Variants in ITPR1 observed in about 807,000 individuals in gnomAD.
ITPR1 encodes the protein inositol 1,4,5-trisphosphate-gated calcium channel ITPR1.
ITPR1 carries 96 observed loss-of-function variants against 318.4 expected under a neutral mutation model. The ratio of observed to expected loss-of-function variants is 0.30; its 90% CI spans 0.26 to 0.36. The LOEUF is 0.36. Ranked by LOEUF, ITPR1 falls within the 10% of genes least tolerant of loss-of-function variation. The pLI is 1.00. For missense variants in ITPR1, 2,440 were observed against 3,460.2 expected (o/e 0.71, Z 7.40); for synonymous variants, 1,312 against 1,289.9 (o/e 1.02, Z -0.37).
intron 55 of ITPR1, 32 bp from the exon 56 acceptor site, chr3:4,811,233 C>T (rs367932666): frequency 6.8e-7 from 1 of 1,461,388 alleles, no homozygotes; most frequent in African/African-American, 1.4e-5. Flanking sequence ...AACATCAAGG[C>T]TTCTTAAAAT....
At position 4,733,099 on chromosome 3, in the gene ITPR1, C is replaced by T. The variant is rs776742998; in HGVS notation, c.5232C>T (p.Leu1744=). ...CTGTTTGAATTAAGGGTGAGGCGCT[C>T]AGGCAAGTTCTGGTCAACCGTTACT... ...QLEDHKRGEA[L]RQVLVNRYYG... The change falls in exon 43 of 62, where the codon CTC becomes CTT. Residue 1744 remains leucine, a synonymous_variant. Coordinates refer to ENST00000649015, the MANE Select transcript of ITPR1 (RefSeq NM_001378452.1). 1.9e-6 allele frequency: 3 copies of T among 1,613,216 alleles called. No individual in the cohort carries two copies. The highest frequency in any genetic ancestry group is 2.2e-5 in the South Asian group (2 of 90,890).
At chr3:4,498,384 C>T (rs2080764769) in intron 2 of ITPR1, among the ~76,000 whole-genome samples, 1 of 152,064 alleles carries the variant, frequency 6.6e-6, no homozygotes, top group East Asian at 1.9e-4. Context: ...AGTACAGAGG[C>T]CCTGAGATAG....
intron 14 of ITPR1, 27 bp from the exon 15 acceptor site, chr3:4,662,055 T>C (rs770732456): frequency 1.2e-6 from 2 of 1,602,360 alleles, no homozygotes; most frequent in Non-Finnish European, 1.7e-6. Flanking sequence ...CAAGAGATTA[T>C]CTCACAAGGA....
chr3:4,662,967 G>T, intron 15 of ITPR1, 98 bp from the exon 16 acceptor site: 1 of 1,077,200 alleles, frequency 9.3e-7, no homozygotes. Context: ...GTCTGCCCCT[G>T]TTTAACTGGC....
At chr3:4,586,286 C>G (rs1210735358) in intron 4 of ITPR1, among the ~76,000 whole-genome samples, 2 of 152,120 alleles carry the variant, frequency 1.3e-5, no homozygotes, top group Admixed American at 6.5e-5. Flanking sequence ...GAAAGCTTTA[C>G]CCGTTTCTAC....
chr3:4,573,024 C>T (rs982224011), intron 4 of ITPR1, among the ~76,000 whole-genome samples: 16 of 152,110 alleles, frequency 1.1e-4, no homozygotes, highest in Admixed American at 7.9e-4. Flanking sequence ...TACCTTTTGA[C>T]GATTGGGATT....
chr3:4,586,588 C>A (rs967117892), intron 4 of ITPR1, among the ~76,000 whole-genome samples: 2 of 149,856 alleles, frequency 1.3e-5, no homozygotes, highest in East Asian at 2.0e-4. Flanking sequence ...TGGCTCCCTG[C>A]AGCTTTGACC....
At chr3:4,717,435 A>C (rs781666122) in intron 40 of ITPR1, 36 bp downstream of exon 40, 7 of 1,541,108 alleles carry the variant, frequency 4.5e-6, no homozygotes, top group Non-Finnish European at 6.2e-6. Flanking sequence ...TTCATGTCTC[A>C]TGGTGGTGTT....
intron 59 of ITPR1, among the ~76,000 whole-genome samples, chr3:4,816,460 A>T (rs542881195): frequency 1.3e-5 from 2 of 152,282 alleles, no homozygotes; most frequent in East Asian, 3.9e-4. Flanking sequence ...ATCTCGGCTC[A>T]CTGTAACCTC....
chr3:4,779,713 G>T lies in ITPR1; in HGVS notation c.6387+68G>T. On this transcript the variant is annotated intron_variant, in intron 49 of 61. Transcript: ENST00000649015. This position sits in a 1 kb window ranked among gnomAD's most constrained non-coding sequence, Gnocchi z 4.0. Reference sequence around the variant, plus strand: ...GCGACGATATTTGGGACAGAGCAGAGGATCTGCTTCCTGGAGCTTTCTTGA... The same window carrying T: ...GCGACGATATTTGGGACAGAGCAGATGATCTGCTTCCTGGAGCTTTCTTGA... The T allele has an allele frequency of 1.3e-5, 14 of 1,090,498 alleles. No homozygotes were observed. The highest frequency in any genetic ancestry group is 1.5e-5 in the Non-Finnish European group (11 of 717,022). 67.6% of individuals were successfully genotyped at this position (1,090,498 alleles called of 1,614,324 possible).
At chr3:4,773,555 A>G (rs974425472) in intron 46 of ITPR1, among the ~76,000 whole-genome samples, 1 of 152,150 alleles carries the variant, frequency 6.6e-6, no homozygotes, top group African/African-American at 2.4e-5. Flanking sequence ...GCCTTTTTAA[A>G]TTCACTGGGA....
chr3:4,673,145 G>T lies in ITPR1; in HGVS notation c.2214G>T (p.Leu738=). Residue 738 remains leucine (L), a synonymous_variant, in exon 21 of 62, where the codon CTG becomes CTT. Coordinates refer to ENST00000649015, the MANE Select transcript of ITPR1 (RefSeq NM_001378452.1). ...RDVLSYYRYQ[L]NLFARMCLDR... ...TTGTTCCTTCCTCTAGATATCAGCT[G>T]AACCTCTTTGCGAGGATGTGTCTGG... The T allele has an allele frequency of 5.6e-6, 9 of 1,613,476 alleles. No individual in the cohort carries two copies. Among genetic ancestry groups the T allele is most frequent in the Non-Finnish European group, 7.6e-6 (9 of 1,179,520 alleles).
chr3:4,628,250 A>T (rs2092904341), intron 5 of ITPR1, among the ~76,000 whole-genome samples: 1 of 152,196 alleles, frequency 6.6e-6, no homozygotes, highest in Non-Finnish European at 1.5e-5. Flanking sequence ...CACCTGTAAA[A>T]TGGAAATGGC....
intron 60 of ITPR1, chr3:4,830,840 C>T (rs1382807564): frequency 9.1e-6 from 4 of 438,856 alleles, no homozygotes; most frequent in Non-Finnish European, 1.8e-5. Context: ...ATGACCCTTT[C>T]TTTTGCCCTC....
rs757160853 is a variant in ITPR1, at chr3:4,676,816, G to A, written c.2967+15G>A. ...AGATACTCCAGGTATCCACTAGCTGGAGCTGGGGTAGGGAGGGTATGTCAC... is the reference window on the plus strand; with the variant it reads ...AGATACTCCAGGTATCCACTAGCTGAAGCTGGGGTAGGGAGGGTATGTCAC... On this transcript the variant is annotated intron_variant, in intron 24 of 61. Coordinates refer to ENST00000649015, the MANE Select transcript of ITPR1 (RefSeq NM_001378452.1). 3.1e-6 allele frequency: 5 copies of A among 1,602,558 alleles called. No individual in the cohort carries two copies. Among genetic ancestry groups the A allele is most frequent in the South Asian group, 2.2e-5 (2 of 89,652 alleles).
At chr3:4,825,093 C>A (rs1453853388) in intron 60 of ITPR1, among the ~76,000 whole-genome samples, 2 of 152,222 alleles carry the variant, frequency 1.3e-5, no homozygotes, top group Non-Finnish European at 2.9e-5. Context: ...AATAATTACA[C>A]ATGAGAATGT....
chr3:4,511,046 A>G (rs1242682490), intron 2 of ITPR1, among the ~76,000 whole-genome samples: 1 of 152,050 alleles, frequency 6.6e-6, no homozygotes, highest in African/African-American at 2.4e-5. Context: ...TTTTTGGTAC[A>G]TTGAGATGCC....
chr3:4,593,681 G>A (rs1002872894), intron 4 of ITPR1, among the ~76,000 whole-genome samples: 4 of 152,170 alleles, frequency 2.6e-5, no homozygotes, highest in Non-Finnish European at 5.9e-5. Context: ...AAGATAAAAG[G>A]CAACCGTGTT....
At chr3:4,711,009 C>T (rs1438989379) in intron 38 of ITPR1, among the ~76,000 whole-genome samples, 2 of 152,068 alleles carry the variant, frequency 1.3e-5, no homozygotes, top group East Asian at 3.9e-4. Flanking sequence ...GTCAGGGGTT[C>T]AAGACCAGCC....
Sources: gnomAD v4.1 joint callset for allele counts (sites outside exome capture counted in the v4.1 genomes callset) on GRCh38, gnomAD v4.1.1 for gene constraint, Gnocchi (gnomAD v3.1) non-coding constraint, MANE v1.5 for transcripts, NCBI Gene and HGNC (gene_info 2026-07-23, HGNC 2026-07-21) for gene names.